Variants in IGSF11 observed in about 807,000 individuals in gnomAD.
IGSF11 encodes CXADR like 1.
IGSF11 carries 22 observed loss-of-function variants against 41.0 expected under a neutral mutation model. The observed-to-expected ratio is 0.54, with a 90% CI of 0.38 to 0.77. The LOEUF (loss-of-function observed/expected upper bound fraction) is 0.77, where lower values mean the gene tolerates loss of function less well. Among genes scored for constraint, IGSF11 ranks in the 30% least tolerant of loss-of-function variants. The pLI is 0.00. For missense variants in IGSF11, 444 were observed against 530.8 expected (o/e 0.84, Z 1.61); for synonymous variants, 219 against 201.3 (o/e 1.09, Z -0.74).
intron 1 of IGSF11, among the ~76,000 whole-genome samples, chr3:119,044,193 A>T (rs1941228555): frequency 6.6e-6 from 1 of 152,204 alleles, no homozygotes; most frequent in African/African-American, 2.4e-5. Context: ...GTCTCCAGAG[A>T]AATAGACATC....
At chr3:118,903,659 TATTTA>T (rs780190835) in intron 6 of IGSF11, among the ~76,000 whole-genome samples, 3 of 152,230 alleles carry the variant, frequency 2.0e-5, no homozygotes, top group Non-Finnish European at 4.4e-5. Flanking sequence ...AGAAGTCATT[TATTTA>T]ATTTAAGATG....
intron 1 of IGSF11, among the ~76,000 whole-genome samples, chr3:118,981,207 T>A (rs1015059574): frequency 6.6e-6 from 1 of 152,212 alleles, no homozygotes; most frequent in Non-Finnish European, 1.5e-5. Flanking sequence ...TTCTCACTCG[T>A]CACCCAGGCT....
intron 1 of IGSF11, among the ~76,000 whole-genome samples, chr3:119,112,363 T>C (rs1440333797): frequency 6.6e-6 from 1 of 152,130 alleles, no homozygotes; most frequent in Non-Finnish European, 1.5e-5. Flanking sequence ...GTGCTAGCAA[T>C]CAGCGAGACT....
At chr3:119,111,346 T>C (rs530282221) in intron 1 of IGSF11, among the ~76,000 whole-genome samples, 65 of 152,366 alleles carry the variant, frequency 4.3e-4, no homozygotes, top group African/African-American at 1.5e-3. Context: ...TCATTTCATC[T>C]TCCATCACTG....
At chr3:119,051,412 C>A (rs2107435819) in intron 1 of IGSF11, among the ~76,000 whole-genome samples, 1 of 151,946 alleles carries the variant, frequency 6.6e-6, no homozygotes, top group East Asian at 1.9e-4. Flanking sequence ...AAAGATTAGT[C>A]CAACAGGAAA....
intron 1 of IGSF11, among the ~76,000 whole-genome samples, chr3:118,995,984 A>G (rs930065752): frequency 1.2e-4 from 18 of 151,754 alleles, no homozygotes; most frequent in African/African-American, 4.4e-4. Flanking sequence ...GAGTTTCACC[A>G]TATTAGCCAA....
intron 1 of IGSF11, among the ~76,000 whole-genome samples, chr3:118,979,756 G>T (rs1251111228): frequency 6.6e-6 from 1 of 152,050 alleles, no homozygotes; most frequent in Non-Finnish European, 1.5e-5. Flanking sequence ...TTCTTGATTG[G>T]AATAAAATAT....
chr3:119,124,000 A>T (rs1424798825), intron 1 of IGSF11, among the ~76,000 whole-genome samples: 1 of 152,178 alleles, frequency 6.6e-6, no homozygotes, highest in Admixed American at 6.5e-5. Context: ...CATGACCTCA[A>T]CAAACAAGCT....
At chr3:119,076,810 C>T (rs11924951) in intron 1 of IGSF11, among the ~76,000 whole-genome samples, 23,155 of 148,018 alleles carry the variant, frequency 0.16, 3,095 homozygotes, top group African/African-American at 0.36. Flanking sequence ...TTTTTTTTTA[C>T]GTTGTTGGTG....
At chr3:118,963,629 T>G (rs1481051940) in intron 1 of IGSF11, among the ~76,000 whole-genome samples, 1 of 152,158 alleles carries the variant, frequency 6.6e-6, no homozygotes, top group Middle Eastern at 3.2e-3. Context: ...AGTACTGAAG[T>G]GCTAAAAAGA....
intron 1 of IGSF11, among the ~76,000 whole-genome samples, chr3:118,988,926 C>T (rs1935516960): frequency 6.6e-6 from 1 of 152,156 alleles, no homozygotes; most frequent in East Asian, 1.9e-4. Flanking sequence ...AAAGCTCTTT[C>T]TCCAGTAGAC....
chr3:119,027,809 T>A (rs982995946), intron 1 of IGSF11, among the ~76,000 whole-genome samples: 36 of 152,206 alleles, frequency 2.4e-4, no homozygotes, highest in African/African-American at 8.4e-4. Context: ...TACTGTCAAG[T>A]CTTGATCAAC....
chr3:118,970,469 G>A (rs561007414), intron 1 of IGSF11, among the ~76,000 whole-genome samples: 49 of 152,302 alleles, frequency 3.2e-4, no homozygotes, highest in Admixed American at 9.2e-4. Context: ...TTCAATGGGA[G>A]TGAAGGATAC....
intron 5 of IGSF11, 138 bp downstream of exon 5, chr3:118,905,458 A>G: frequency 1.1e-6 from 1 of 912,332 alleles, no homozygotes. Context: ...AATTTTCAAT[A>G]ATAATTAAAA....
At chr3:118,970,471 G>A (rs1357647984) in intron 1 of IGSF11, among the ~76,000 whole-genome samples, 1 of 152,172 alleles carries the variant, frequency 6.6e-6, no homozygotes, top group East Asian at 1.9e-4. Context: ...CAATGGGAGT[G>A]AAGGATACTA....
chr3:119,061,069 A>T (rs934945415), intron 1 of IGSF11, among the ~76,000 whole-genome samples: 5 of 152,222 alleles, frequency 3.3e-5, no homozygotes, highest in Non-Finnish European at 5.9e-5. Context: ...GTAACACAAT[A>T]AGGAAAAAAT....
chr3:119,059,954 T>C (rs577243852), intron 1 of IGSF11, among the ~76,000 whole-genome samples: 1 of 151,666 alleles, frequency 6.6e-6, no homozygotes, highest in South Asian at 2.1e-4. Context: ...TGAAAAAGAG[T>C]TCATTCCACT....
At chr3:118,982,665 T>G (rs1178777111) in intron 1 of IGSF11, among the ~76,000 whole-genome samples, 2 of 152,064 alleles carry the variant, frequency 1.3e-5, no homozygotes, top group African/African-American at 4.8e-5. Context: ...AAATCCTCCC[T>G]CCTCCTTAAT....
At chr3:119,044,851 T>G (rs181544413) in intron 1 of IGSF11, among the ~76,000 whole-genome samples, 1 of 152,302 alleles carries the variant, frequency 6.6e-6, no homozygotes, top group African/African-American at 2.4e-5. Flanking sequence ...GACAAACAAA[T>G]GCTGACAGAA....
Sources: allele counts gnomAD v4.1 joint callset (sites outside exome capture counted in the v4.1 genomes callset), GRCh38; gene constraint gnomAD v4.1.1; transcripts MANE v1.5; gene names NCBI Gene and HGNC (gene_info 2026-07-23, HGNC 2026-07-21).